Variants in IPO5 observed in about 807,000 individuals in gnomAD.
IPO5 encodes importin-5.
In IPO5, 18 loss-of-function variants were observed where a neutral mutation model predicts 143.3. That is an observed-to-expected ratio of 0.13 (90% confidence interval 0.09 to 0.19). The LOEUF (loss-of-function observed/expected upper bound fraction) is 0.19, where lower values mean the gene tolerates loss of function less well. Among genes scored for constraint, IPO5 ranks in the 10% least tolerant of loss-of-function variants. The pLI is 1.00. For synonymous variants in IPO5, 477 were observed against 465.7 expected (o/e 1.02, Z -0.31); for missense variants, 1,013 against 1,336.9 (o/e 0.76, Z 3.78).
chr13:98,021,906 C>A lies in IPO5; in HGVS notation c.*84C>A. 1 of 922,380 alleles carries A rather than the reference C, an allele frequency of 1.1e-6. No individual in the cohort carries two copies. The highest frequency in any genetic ancestry group is 2.6e-5 in the East Asian group (1 of 39,044). 57.1% of individuals were successfully genotyped at this position (922,380 alleles called of 1,614,324 possible). ...TAGGTTTCTTTGTTTTGTTTTTGAG[C>A]AAAAGAGATCGGTAGTGTTGTGTGT... On this transcript the variant is annotated 3_prime_UTR_variant, in exon 29 of 29. Transcript: ENST00000651721.
chr13:98,017,127 G>A (rs1890168061), intron 25 of IPO5, among the ~76,000 whole-genome samples: 1 of 151,784 alleles, frequency 6.6e-6, no homozygotes, highest in Admixed American at 6.6e-5. Flanking sequence ...GATTATCTGT[G>A]CCCTCCTAAA....
chr13:97,956,201 A>G (rs1420117534), intron 2 of IPO5, among the ~76,000 whole-genome samples: 3 of 152,114 alleles, frequency 2.0e-5, no homozygotes, highest in African/African-American at 7.2e-5. Flanking sequence ...AAAAGGTTTC[A>G]AAAGGCCAGT....
intron 4 of IPO5, among the ~76,000 whole-genome samples, chr13:97,978,109 GTTT>G (rs982007978): frequency 3.3e-4 from 50 of 152,284 alleles, no homozygotes; most frequent in South Asian, 1.7e-3. Flanking sequence ...ACTTCATTAA[GTTT>G]TTATTTATTA....
In IPO5 at chr13:98,015,591, T is replaced by C; in HGVS notation, c.2387T>C (p.Ile796Thr). The C allele has an allele frequency of 6.2e-7, 1 of 1,612,716 alleles. No individual in the cohort carries two copies. Among genetic ancestry groups the C allele is most frequent in the African/African-American group, 1.3e-5 (1 of 75,012 alleles). Residue 796 changes from isoleucine to threonine, a missense_variant, in exon 23 of 29, where the codon ATA (isoleucine) becomes ACA (threonine). This residue lies in a region of IPO5 where 685 missense variants were observed against 994.9 expected (regional missense o/e 0.69). Transcript: ENST00000651721. ...NNEHFEELGG[I>T]LKAKLEEHFK... Reference sequence around the variant, plus strand: ...GAACACTTTGAAGAACTGGGAGGTATATTGAAAGCAAAGCTTGAAGAACAT... The same window carrying C: ...GAACACTTTGAAGAACTGGGAGGTACATTGAAAGCAAAGCTTGAAGAACAT...
chr13:97,977,322 C>T (rs1012322229), intron 4 of IPO5, among the ~76,000 whole-genome samples: 1 of 152,164 alleles, frequency 6.6e-6, no homozygotes, highest in African/African-American at 2.4e-5. Flanking sequence ...CTGCCTTTTT[C>T]CATTTAGTTC....
Position 98,008,083 on chromosome 13 carries a change from A to T in IPO5, c.1741A>T (p.Met581Leu). 1 of 1,610,980 alleles carries T rather than the reference A, an allele frequency of 6.2e-7. No individual in the cohort carries two copies. ...EKFMQDASDV[M>L]QLLLKTQTDF... is the part of the protein sequence containing the mutation. ...GTTCATGCAGGATGCATCAGATGTG[A>T]TGCAGCTTTTGTTAAAGACCCAGAC... Residue 581 changes from methionine (M) to leucine (L), a missense_variant, in exon 18 of 29, where the codon ATG becomes TTG. Met to Leu is a conservative substitution (Grantham distance 15). This residue lies in a region of IPO5 where 685 missense variants were observed against 994.9 expected (regional missense o/e 0.69). Coordinates refer to ENST00000651721, the MANE Select transcript of IPO5 (RefSeq NM_002271.6).
At position 97,995,481 on chromosome 13, in the gene IPO5, C is replaced by T. The variant is rs1325252097; in HGVS notation, c.914-2050C>T. 3.3e-5 allele frequency among the ~76,000 whole-genome samples: 5 copies of T among 151,972 alleles called. No homozygotes were observed. The East Asian group carries it at 5.8e-4, about 18-fold the overall frequency. On this transcript the variant is annotated intron_variant, in intron 11 of 28. Coordinates refer to ENST00000651721, the MANE Select transcript of IPO5 (RefSeq NM_002271.6). The stretch of plus-strand genomic sequence containing the variant: ...CAGCTTATTAAAAAAACAGGCCGGG[C>T]GCGGTGGCTCACACCTGCAATCTCA...
At chr13:97,996,391 C>A (rs907635911) in intron 11 of IPO5, among the ~76,000 whole-genome samples, 1 of 152,052 alleles carries the variant, frequency 6.6e-6, no homozygotes, top group Admixed American at 6.6e-5. Flanking sequence ...GCTAATGAAC[C>A]CTGCTAAGTC....
chr13:97,996,094 T>C (rs1888261613), intron 11 of IPO5, among the ~76,000 whole-genome samples: 1 of 152,152 alleles, frequency 6.6e-6, no homozygotes, highest in South Asian at 2.1e-4. Context: ...ATTCATTGCT[T>C]TTTTCTTCTT....
intron 17 of IPO5, chr13:98,007,577 C>T (rs1248131887): frequency 2.0e-5 from 3 of 152,356 alleles, no homozygotes; most frequent in Non-Finnish European, 4.4e-5. Flanking sequence ...ACGCTGACCA[C>T]TAAAACATTG....
rs1887690911 is a variant in IPO5, at chr13:97,990,153, GCAA to G, written c.501_503del (p.Gln167del). 6.2e-7 allele frequency: 1 copy of G among 1,612,622 alleles called. No individual in the cohort carries two copies. The highest frequency in any genetic ancestry group is 8.5e-7 in the Non-Finnish European group (1 of 1,178,922). ...ACTTTCCTGGAATTTTTGGGAACCAGCAACAACACTATTTAGATGTCATCAAAC... is the reference window on the plus strand; with the variant it reads ...ACTTTCCTGGAATTTTTGGGAACCAGCAACACTATTTAGATGTCATCAAAC... On this transcript the variant is annotated inframe_deletion, in exon 8 of 29. Coordinates refer to ENST00000651721, the MANE Select transcript of IPO5 (RefSeq NM_002271.6).
intron 25 of IPO5, among the ~76,000 whole-genome samples, chr13:98,017,558 A>G (rs895101170): frequency 6.6e-6 from 1 of 152,010 alleles, no homozygotes. Flanking sequence ...TCGGCCTCCC[A>G]AAGTGCTGGG....
At position 98,014,181 on chromosome 13, in the gene IPO5, C is replaced by A; in HGVS notation, c.2292C>A (p.Asp764Glu). ...CCATTGGTACAGAACCAGATTCAGA[C>A]GTCCTCTCAGAAATAATGCATTCTT... The part of the protein sequence containing the change: ...IKAIGTEPDS[D>E]VLSEIMHSFA... The change falls in exon 22 of 29, where the codon GAC becomes GAA. Residue 764 changes from aspartate to glutamate, a missense_variant. Transcript: ENST00000651721. 6.2e-7 allele frequency: 1 copy of A among 1,612,242 alleles called. No individual in the cohort carries two copies. The highest frequency in any genetic ancestry group is 8.5e-7 in the Non-Finnish European group (1 of 1,178,998).
At position 98,010,083 on chromosome 13, in the gene IPO5, G is replaced by A. The variant is rs1395747919; in HGVS notation, c.1934-20G>A. 1.2e-6 allele frequency: 2 copies of A among 1,613,422 alleles called. No homozygotes were observed. Among genetic ancestry groups the A allele is most frequent in the Non-Finnish European group, 1.7e-6 (2 of 1,179,858 alleles). ...TTGTTATTATTTTTCATATGCATTT[G>A]TTTTCTTCTCCGTTAATAGCCCAAG... On this transcript the variant is annotated intron_variant, in intron 19 of 28. Transcript: ENST00000651721.
At position 97,983,016 on chromosome 13, in the gene IPO5, G is replaced by A. The variant is rs113937708; in HGVS notation, c.171+433G>A. ...TTCCCGAGTAACTGGGATTACAGGC[G>A]TGCGCCACCACACCTGGCTAATTTT... On this transcript the variant is annotated intron_variant, in intron 5 of 28. Coordinates refer to ENST00000651721, the MANE Select transcript of IPO5 (RefSeq NM_002271.6). Among the ~76,000 whole-genome samples the A allele has an allele frequency of 5.4e-4, 82 of 152,174 alleles. 1 individual carries two copies. In the South Asian group the frequency reaches 0.011, roughly 20 times the overall value.
chr13:97,984,719 A>G (rs1277762459), intron 5 of IPO5, among the ~76,000 whole-genome samples: 1 of 152,190 alleles, frequency 6.6e-6, no homozygotes, highest in Non-Finnish European at 1.5e-5. Flanking sequence ...AATGAGTAAC[A>G]TCAGCTTGGG....
chr13:98,018,574 C>T lies in IPO5; in HGVS notation c.2706C>T (p.Tyr902=), dbSNP rs140767528. 9.0e-4 allele frequency: 1,459 copies of T among 1,613,922 alleles called. 49 individuals carry two copies. In the East Asian group the frequency reaches 0.031, roughly 34 times the overall value. ...IEHCSPASFK[Y]AEYFLRPMLQ... is the part of the protein sequence containing the mutation. ...ACTGTAGTCCAGCCTCATTTAAATA[C>T]GCAGAATATTTCTTAAGACCAATGC... Residue 902 remains tyrosine, a synonymous_variant, in exon 26 of 29, where the codon TAC becomes TAT. Transcript: ENST00000651721.
chr13:97,991,864 A>T (rs1887831508), intron 9 of IPO5, among the ~76,000 whole-genome samples: 1 of 152,236 alleles, frequency 6.6e-6, no homozygotes, highest in South Asian at 2.1e-4. Flanking sequence ...GAAATGCATA[A>T]TGAGAAGATC....
chr13:97,963,354 G>C (rs1051808676), intron 2 of IPO5: 4 of 150,828 alleles, frequency 2.7e-5, no homozygotes, highest in African/African-American at 9.8e-5. Context: ...GGTAACACTT[G>C]TGTCTTAATT....
Sources: allele counts gnomAD v4.1 joint callset (sites outside exome capture counted in the v4.1 genomes callset), GRCh38; gene constraint gnomAD v4.1.1; regional missense constraint gnomAD v4.1.1; transcripts MANE v1.5; gene names NCBI Gene and HGNC (gene_info 2026-07-23, HGNC 2026-07-21).